DAG1: variants seen among roughly 807,000 people sequenced by gnomAD.
The protein encoded by DAG1 is dystroglycan 1 (dystrophin-associated glycoprotein 1).
Under a neutral mutation model 46.1 loss-of-function variants are expected in DAG1, and 8 were observed. The observed-to-expected ratio is 0.17, with a 90% CI of 0.10 to 0.31. DAG1 has a LOEUF of 0.31. Ranked by LOEUF, DAG1 falls within the 10% of genes least tolerant of loss-of-function variation. The pLI is 1.00. For synonymous variants in DAG1, 495 were observed against 481.8 expected (o/e 1.03, Z -0.36); for missense variants, 1,003 against 1,189.9 (o/e 0.84, Z 2.31).
intron 1 of DAG1, among the ~76,000 whole-genome samples, chr3:49,484,148 C>T (rs1337948913): frequency 6.6e-6 from 1 of 152,158 alleles, no homozygotes; most frequent in African/African-American, 2.4e-5. Flanking sequence ...GTGCTACCAG[C>T]TGTTGCGTTT....
chr3:49,515,702 T>A (rs1041921719), intron 2 of DAG1, among the ~76,000 whole-genome samples: 1 of 151,968 alleles, frequency 6.6e-6, no homozygotes, highest in African/African-American at 2.4e-5. Context: ...TATTCTTGAG[T>A]GTGTGAGGAA....
upstream of DAG1, among the ~76,000 whole-genome samples, chr3:49,469,290 G>A (rs1317846820): frequency 6.6e-6 from 1 of 152,216 alleles, no homozygotes; most frequent in Non-Finnish European, 1.5e-5. Context: ...CCTGCGCATG[G>A]TGTGGGGATG....
At chr3:49,485,702 C>T (rs1351491844) in intron 1 of DAG1, among the ~76,000 whole-genome samples, 1 of 144,624 alleles carries the variant, frequency 6.9e-6, no homozygotes, top group Non-Finnish European at 1.5e-5. Flanking sequence ...CACTCTGTCA[C>T]CCAAGCTAGA....
At chr3:49,527,850 A>C (rs567882531) in intron 2 of DAG1, among the ~76,000 whole-genome samples, 1 of 151,940 alleles carries the variant, frequency 6.6e-6, no homozygotes, top group South Asian at 2.1e-4. Flanking sequence ...GTCCCTCTCA[A>C]CCTTGTTCAG....
At chr3:49,495,523 G>C (rs552987482) in intron 1 of DAG1, among the ~76,000 whole-genome samples, 1 of 152,232 alleles carries the variant, frequency 6.6e-6, no homozygotes, top group Non-Finnish European at 1.5e-5. Context: ...GGGTGCAAGG[G>C]TGTGGTAATT....
intron 1 of DAG1, among the ~76,000 whole-genome samples, chr3:49,494,922 C>T (rs548447688): frequency 2.0e-5 from 3 of 152,014 alleles, no homozygotes; most frequent in African/African-American, 4.8e-5. Context: ...TGTGAGCCAC[C>T]GGCGCTTGGC....
intron 1 of DAG1, among the ~76,000 whole-genome samples, chr3:49,500,561 C>G (rs963552240): frequency 5.3e-5 from 8 of 152,202 alleles, no homozygotes; most frequent in African/African-American, 1.9e-4. Context: ...CCCATTCCCA[C>G]TACTCGAAAA....
intron 1 of DAG1, among the ~76,000 whole-genome samples, chr3:49,503,512 T>A (rs1354889214): frequency 6.6e-6 from 1 of 152,220 alleles, no homozygotes; most frequent in African/African-American, 2.4e-5. Flanking sequence ...GCCATTTTTT[T>A]CTTTCTTTAA....
At position 49,531,587 on chromosome 3, in the gene DAG1, G is replaced by C. The variant is rs745660005; in HGVS notation, c.1076G>C (p.Arg359Thr). Residue 359 changes from arginine to threonine, a missense_variant, in exon 3 of 3, where the codon AGG becomes ACG. By Grantham distance (71) the Arg-to-Thr change is moderately conservative (BLOSUM62 -1). Around this residue, in one of 3 missense-constraint regions of DAG1, gnomAD observed 755 missense variants for 854.1 expected, o/e 0.88. Coordinates refer to ENST00000308775, the MANE Select transcript of DAG1 (RefSeq NM_004393.6). This position sits in a 1 kb window ranked among gnomAD's most constrained non-coding sequence, Gnocchi z 7.0. ...PPTETMAPPV[R>T]DPVPGKPTVT... is the part of the protein sequence containing the mutation. ...ACAGAGACCATGGCTCCTCCAGTCAGGGATCCTGTTCCTGGGAAACCCACG... is the reference window on the plus strand; with the variant it reads ...ACAGAGACCATGGCTCCTCCAGTCACGGATCCTGTTCCTGGGAAACCCACG... The C allele has an allele frequency of 1.2e-6, 2 of 1,612,640 alleles. No individual in the cohort carries two copies. The highest frequency in any genetic ancestry group is 1.7e-6 in the Non-Finnish European group (2 of 1,178,872).
rs2051347866 is a variant in DAG1 at position 49,531,585 on chromosome 3, C to G, written c.1074C>G (p.Val358=). ...CAACAGAGACCATGGCTCCTCCAGTCAGGGATCCTGTTCCTGGGAAACCCA... is the reference window on the plus strand; with the variant it reads ...CAACAGAGACCATGGCTCCTCCAGTGAGGGATCCTGTTCCTGGGAAACCCA... The part of the protein sequence containing the change: ...APPTETMAPP[V]RDPVPGKPTV... Residue 358 remains valine (V), a synonymous_variant, in exon 3 of 3, where the codon GTC becomes GTG. Transcript: ENST00000308775. This position sits in a 1 kb window ranked among gnomAD's most constrained non-coding sequence, Gnocchi z 7.0. The G allele has an allele frequency of 6.2e-7, 1 of 1,612,794 alleles. No homozygotes were observed. Among genetic ancestry groups the G allele is most frequent in the African/African-American group, 1.3e-5 (1 of 74,972 alleles).
chr3:49,519,122 G>A (rs2050967381), intron 2 of DAG1, among the ~76,000 whole-genome samples: 1 of 152,150 alleles, frequency 6.6e-6, no homozygotes, highest in African/African-American at 2.4e-5. Flanking sequence ...TGTCTCCCTT[G>A]GGTTTGGTGC....
At chr3:49,478,616 G>A (rs2049767632) in intron 1 of DAG1, among the ~76,000 whole-genome samples, 1 of 146,768 alleles carries the variant, frequency 6.8e-6, no homozygotes, top group African/African-American at 2.5e-5. Context: ...GAGCTTAAGC[G>A]ATTCATCTGC....
chr3:49,533,785 AAACTT>A lies in DAG1; in HGVS notation c.*588_*592del. ...TAAAAATAAGCTCCCAGGGTGTTTC[AAACTT>A]AGAGAAGACCAAGGGACAGTATTTT... On this transcript the variant is annotated 3_prime_UTR_variant, in exon 3 of 3. Transcript: ENST00000308775. 4.6e-6 allele frequency: 1 copy of A among 216,992 alleles called. No homozygotes were observed. The highest frequency in any genetic ancestry group is 9.4e-6 in the Non-Finnish European group (1 of 106,610). The allele number at this position is 216,992 out of a possible 1,614,324, so 13.4% of individuals were successfully genotyped here.
At chr3:49,469,597 C>G (rs150568866), upstream of DAG1, among the ~76,000 whole-genome samples, 2,078 of 152,124 alleles carry the variant, frequency 0.014, 26 homozygotes, top group Non-Finnish European at 0.018. Flanking sequence ...GGGGAGGGGA[C>G]GAGGGTTAGG....
chr3:49,532,766 A>T lies in DAG1; in HGVS notation c.2255A>T (p.His752Leu), dbSNP rs2051397793. The T allele has an allele frequency of 6.2e-7, 1 of 1,614,086 alleles. No homozygotes were observed. Among genetic ancestry groups the T allele is most frequent in the East Asian group, 2.2e-5 (1 of 44,880 alleles). Reference protein sequence around the residue: ...EKSSEDDVYLHTVIPAVVVAA... With the variant: ...EKSSEDDVYLLTVIPAVVVAA... ...AGCAGTGAGGATGATGTCTACCTGC[A>T]CACAGTCATTCCGGCCGTGGTGGTC... The change falls in exon 3 of 3, where the codon CAC becomes CTC. Residue 752 changes from histidine (H) to leucine (L), a missense_variant. Physicochemically the swap from His to Leu is moderately conservative, Grantham distance 99 (BLOSUM62 -3). Coordinates refer to ENST00000308775, the MANE Select transcript of DAG1 (RefSeq NM_004393.6). This position sits in a 1 kb window ranked among gnomAD's most constrained non-coding sequence, Gnocchi z 5.4.
chr3:49,534,219 G>A lies in DAG1; in HGVS notation c.*1020G>A, dbSNP rs781001080. The A allele has an allele frequency of 2.0e-5, 3 of 152,244 alleles. No homozygotes were observed. Among genetic ancestry groups the A allele is most frequent in the Non-Finnish European group, 4.4e-5 (3 of 67,962 alleles). The allele number at this position is 152,244 out of a possible 1,614,324, so 9.4% of individuals were successfully genotyped here. ...TTTTTCCTCCTAAAAGGAATATCAC[G>A]GTTTTTTGAAACACTCAGTGGGGGA... On this transcript the variant is annotated 3_prime_UTR_variant, in exon 3 of 3. Coordinates refer to ENST00000308775, the MANE Select transcript of DAG1 (RefSeq NM_004393.6).
rs753494427 is a variant in DAG1, at chr3:49,511,107, G to A, written c.285+288G>A. On this transcript the variant is annotated intron_variant, in intron 2 of 2. Coordinates refer to ENST00000308775, the MANE Select transcript of DAG1 (RefSeq NM_004393.6). ...GGGATTTGTTGGAAAGGTCTGTCACGTGTATAGGGAAAGGTTACCTTTAAT... is the reference window on the plus strand; with the variant it reads ...GGGATTTGTTGGAAAGGTCTGTCACATGTATAGGGAAAGGTTACCTTTAAT... 1.4e-4 allele frequency: 62 copies of A among 444,140 alleles called. 1 individual carries two copies. The Middle Eastern group carries it at 3.3e-3, about 24-fold the overall frequency. 27.5% of individuals were successfully genotyped at this position (444,140 alleles called of 1,614,324 possible).
chr3:49,520,167 G>T (rs1358845372), intron 2 of DAG1, among the ~76,000 whole-genome samples: 4 of 152,306 alleles, frequency 2.6e-5, no homozygotes, highest in Non-Finnish European at 2.9e-5. Context: ...TAAGCTAGAG[G>T]CTCTTCCTGT....
intron 1 of DAG1, among the ~76,000 whole-genome samples, chr3:49,483,967 T>C (rs959234761): frequency 9.2e-5 from 14 of 152,230 alleles, no homozygotes; most frequent in Admixed American, 7.2e-4. Flanking sequence ...AAGTGTCTTA[T>C]ATTTTTAGAC....
Sources: gnomAD v4.1 joint callset for allele counts (sites outside exome capture counted in the v4.1 genomes callset) on GRCh38, gnomAD v4.1.1 for gene constraint, gnomAD v4.1.1 regional missense constraint, Gnocchi (gnomAD v3.1) non-coding constraint, MANE v1.5 for transcripts, NCBI Gene and HGNC (gene_info 2026-07-23, HGNC 2026-07-21) for gene names.